DACH2: variants seen among roughly 807,000 people sequenced by gnomAD.
DACH2 encodes dachshund family transcription factor 2.
Under a neutral mutation model 35.8 loss-of-function variants are expected in DACH2, and 17 were observed. The ratio of observed to expected loss-of-function variants is 0.48; its 90% confidence interval spans 0.33 to 0.71. DACH2 has a LOEUF of 0.71. Among genes scored for constraint, DACH2 ranks in the 30% least tolerant of loss-of-function variants. The pLI is 0.02. For missense variants in DACH2, 469 were observed against 472.7 expected, an observed-to-expected ratio of 0.99 and a Z score of 0.07; for synonymous variants, 195 against 177.3, an observed-to-expected ratio of 1.10 and a Z score of -0.79.
intron 7 of DACH2, among the ~76,000 whole-genome samples, chrX:86,790,152 G>A (rs7878428): frequency 0.19 from 20,474 of 110,508 alleles, 1,504 homozygotes; most frequent in South Asian, 0.42. Flanking sequence ...AAATTGAATT[G>A]GACAATCAAT....
At chrX:86,572,991 A>T in intron 3 of DACH2, among the ~76,000 whole-genome samples, 1 of 111,214 alleles carries the variant, frequency 9.0e-6, no homozygotes, top group Non-Finnish European at 1.9e-5. Flanking sequence ...GCTAAATTTG[A>T]TTTCTGTTTG....
intron 2 of DACH2, among the ~76,000 whole-genome samples, chrX:86,450,585 C>T (rs1021062445): frequency 1.8e-5 from 2 of 110,648 alleles, no homozygotes; most frequent in Non-Finnish European, 3.8e-5. Flanking sequence ...CGGGTATGTC[C>T]CCAGTAATGG....
intron 2 of DACH2, among the ~76,000 whole-genome samples, chrX:86,382,203 C>A (rs2036056524): frequency 9.2e-6 from 1 of 108,712 alleles, no homozygotes; most frequent in Non-Finnish European, 1.9e-5. Flanking sequence ...GAGACACGTG[C>A]CCCCTTTATT....
At chrX:86,209,197 A>T (rs1229145303) in intron 1 of DACH2, among the ~76,000 whole-genome samples, 1 of 111,475 alleles carries the variant, frequency 9.0e-6, no homozygotes, top group Admixed American at 9.6e-5. Context: ...TATAAAGGCA[A>T]AGAAGTTTGT....
At chrX:86,492,789 C>A (rs1184036508) in intron 2 of DACH2, among the ~76,000 whole-genome samples, 1 of 111,803 alleles carries the variant, frequency 8.9e-6, no homozygotes, top group Admixed American at 9.6e-5. Flanking sequence ...TTATTTCTTT[C>A]TTTTTTATGG....
chrX:86,607,560 A>G (rs1452084291), intron 3 of DACH2, among the ~76,000 whole-genome samples: 1 of 110,824 alleles, frequency 9.0e-6, no homozygotes, highest in East Asian at 2.8e-4. Flanking sequence ...GTACTGTCTG[A>G]TTATCTTGAA....
intron 4 of DACH2, among the ~76,000 whole-genome samples, chrX:86,667,079 C>T (rs1475779198): frequency 1.8e-5 from 1 of 54,172 alleles, no homozygotes; most frequent in Non-Finnish European, 3.3e-5. Context: ...AACCCCATCT[C>T]TACTAAAAAA....
chrX:86,419,683 T>C (rs910435844), intron 2 of DACH2, among the ~76,000 whole-genome samples: 1 of 111,883 alleles, frequency 8.9e-6, no homozygotes, highest in African/African-American at 3.3e-5. Context: ...TTTTGTGATG[T>C]AGAATGTGAA....
chrX:86,183,569 C>T (rs912866424), intron 1 of DACH2, among the ~76,000 whole-genome samples: 18 of 111,527 alleles, frequency 1.6e-4, no homozygotes, highest in Non-Finnish European at 3.0e-4. Context: ...CTGCTGGATT[C>T]GGTTTGACGG....
chrX:86,597,958 C>G (rs1019590597), intron 3 of DACH2, among the ~76,000 whole-genome samples: 17 of 111,547 alleles, frequency 1.5e-4, no homozygotes, highest in African/African-American at 5.2e-4. Context: ...CTGGGGAGGC[C>G]TCGCAATCAT....
At chrX:86,457,338 T>A (rs1343730524) in intron 2 of DACH2, among the ~76,000 whole-genome samples, 2 of 111,821 alleles carry the variant, frequency 1.8e-5, no homozygotes, top group Non-Finnish European at 3.8e-5. Context: ...CAAGAGAAAG[T>A]AAAATGAGGT....
intron 1 of DACH2, among the ~76,000 whole-genome samples, chrX:86,334,316 T>C (rs1005636503): frequency 2.2e-4 from 25 of 112,045 alleles, no homozygotes; most frequent in African/African-American, 7.5e-4. Flanking sequence ...TAGGTTTAGA[T>C]CCTTGAGGAA....
At chrX:86,157,794 C>T (rs936176832) in intron 1 of DACH2, among the ~76,000 whole-genome samples, 6 of 111,058 alleles carry the variant, frequency 5.4e-5, no homozygotes, top group South Asian at 7.4e-4. Context: ...TTTATTTTTA[C>T]GAACAGTATT....
intron 2 of DACH2, among the ~76,000 whole-genome samples, chrX:86,425,270 A>C (rs889368579): frequency 1.4e-4 from 15 of 109,972 alleles, no homozygotes; most frequent in African/African-American, 4.9e-4. Context: ...TTCTTCTATA[A>C]ATGTTTGGTA....
At chrX:86,290,849 G>C (rs2034271912) in intron 1 of DACH2, among the ~76,000 whole-genome samples, 1 of 103,448 alleles carries the variant, frequency 9.7e-6, no homozygotes, top group Non-Finnish European at 2.0e-5. Context: ...TTTGAAGTCA[G>C]GTAGTGTGAT....
chrX:86,209,714 G>C (rs759529850), intron 1 of DACH2, among the ~76,000 whole-genome samples: 2 of 111,172 alleles, frequency 1.8e-5, no homozygotes, highest in Non-Finnish European at 3.8e-5. Context: ...GAGGCTTAGA[G>C]GGAGGAGCTG....
chrX:86,182,070 A>T (rs1314192575), intron 1 of DACH2, among the ~76,000 whole-genome samples: 2 of 111,766 alleles, frequency 1.8e-5, no homozygotes, highest in Non-Finnish European at 3.8e-5. Context: ...AGTTCCTTGT[A>T]GATTCTGGAT....
At chrX:86,435,186 C>T (rs1004166140) in intron 2 of DACH2, among the ~76,000 whole-genome samples, 9 of 111,578 alleles carry the variant, frequency 8.1e-5, no homozygotes, top group African/African-American at 2.9e-4. Flanking sequence ...GAGGGCTAGA[C>T]AAAAGGAGTG....
intron 1 of DACH2, among the ~76,000 whole-genome samples, chrX:86,347,030 A>G (rs1197568725): frequency 1.8e-5 from 2 of 112,121 alleles, no homozygotes; most frequent in Admixed American, 1.9e-4. Flanking sequence ...CATACATAAT[A>G]AAGAATTATC....
Sources: allele counts gnomAD v4.1 joint callset (sites outside exome capture counted in the v4.1 genomes callset), GRCh38; gene constraint gnomAD v4.1.1; transcripts MANE v1.5; gene names NCBI Gene and HGNC (gene_info 2026-07-23, HGNC 2026-07-21).